PRKAG2: variants seen among roughly 807,000 people sequenced by gnomAD.
PRKAG2 encodes the protein protein kinase AMP-activated non-catalytic subunit gamma 2.
A neutral mutation model predicts 69.6 loss-of-function variants in PRKAG2; 26 were observed. The observed-to-expected ratio is 0.37, with a 90% CI of 0.27 to 0.52. The LOEUF is 0.52. Ranked by LOEUF, PRKAG2 falls within the 20% of genes least tolerant of loss-of-function variation. The probability of loss-of-function intolerance (pLI) is 0.90; values close to 1 mark genes in which losing one functional copy is unlikely to be tolerated. For synonymous variants in PRKAG2, 293 were observed against 285.0 expected, an observed-to-expected ratio of 1.03 and a Z score of -0.28; for missense variants, 557 against 740.0, an observed-to-expected ratio of 0.75 and a Z score of 2.87.
In PRKAG2 at chr7:151,638,535, G is replaced by A. The variant is rs921098810; in HGVS notation, c.685-6397C>T. On this transcript the variant is annotated intron_variant, in intron 4 of 15. Coordinates refer to ENST00000287878, the MANE Select transcript of PRKAG2 (RefSeq NM_016203.4). This position sits in a 1 kb window ranked among gnomAD's most constrained non-coding sequence, Gnocchi z 4.3. ...TGTAGTCCCAGCTACTCGGGAGGCTGAGGCAGGAGAATCGCTTGAACCCAG... is the reference window on the plus strand; with the variant it reads ...TGTAGTCCCAGCTACTCGGGAGGCTAAGGCAGGAGAATCGCTTGAACCCAG... 1.3e-5 allele frequency among the ~76,000 whole-genome samples: 2 copies of A among 152,112 alleles called. No homozygotes were observed. The highest frequency in any genetic ancestry group is 6.5e-5 in the Admixed American group (1 of 15,278).
rs756923555 is a variant in PRKAG2 at position 151,876,533 on chromosome 7, T to G, written c.88A>C (p.Arg30=). ...GGAATGTGCACGCGCAGCGAACGCC[T>G]CTTCTGGCTGGCATTTTTCTTGCCG... ...SGGKKNASQK[R]RSLRVHIPDL... The change falls in exon 1 of 16, where the codon AGG becomes CGG. Residue 30 remains arginine, a synonymous_variant. Transcript: ENST00000287878. 52 of 1,608,230 alleles carry G rather than the reference T, an allele frequency of 3.2e-5. No homozygotes were observed. The highest frequency in any genetic ancestry group is 4.3e-5 in the Non-Finnish European group (51 of 1,179,868).
At chr7:151,581,769 C>A (rs1810530164) in intron 6 of PRKAG2, among the ~76,000 whole-genome samples, 1 of 152,126 alleles carries the variant, frequency 6.6e-6, no homozygotes, top group Admixed American at 6.6e-5. Flanking sequence ...CCAACAAAAG[C>A]AGGGGTTTAA....
intron 1 of PRKAG2, among the ~76,000 whole-genome samples, chr7:151,847,199 G>C (rs2079453031): frequency 6.6e-6 from 1 of 152,182 alleles, no homozygotes; most frequent in South Asian, 2.1e-4. Context: ...TGTTATTCTG[G>C]GTACACAGCA....
chr7:151,641,931 G>A (rs1277518644), intron 4 of PRKAG2, among the ~76,000 whole-genome samples: 2 of 151,094 alleles, frequency 1.3e-5, no homozygotes, highest in Admixed American at 6.6e-5. Flanking sequence ...GCAGTAGCTC[G>A]GTCTGTAATC....
At chr7:151,649,236 C>T (rs1306268760) in intron 4 of PRKAG2, among the ~76,000 whole-genome samples, 4 of 152,114 alleles carry the variant, frequency 2.6e-5, no homozygotes, top group Admixed American at 2.6e-4. Flanking sequence ...AACGATTCTC[C>T]TGCCTCAGCC....
At chr7:151,872,714 A>G (rs2080246552) in intron 1 of PRKAG2, among the ~76,000 whole-genome samples, 2 of 152,204 alleles carry the variant, frequency 1.3e-5, no homozygotes, top group African/African-American at 4.8e-5. Flanking sequence ...CAGCACTTCC[A>G]GGGGTTCCTG....
chr7:151,713,653 C>A (rs1397794121), intron 3 of PRKAG2, among the ~76,000 whole-genome samples: 3 of 150,662 alleles, frequency 2.0e-5, no homozygotes, highest in Non-Finnish European at 4.4e-5. Context: ...GGTGCGAACA[C>A]AGCTCACTAC....
At chr7:151,631,509 A>C (rs1824399790) in intron 5 of PRKAG2, 1 of 273,518 alleles carries the variant, frequency 3.7e-6, no homozygotes, top group Non-Finnish European at 7.7e-6. Context: ...GGGAAAAAAA[A>C]CAACCAAGTG....
chr7:151,701,397 G>A (rs1216736278), intron 3 of PRKAG2, among the ~76,000 whole-genome samples: 1 of 152,160 alleles, frequency 6.6e-6, no homozygotes, highest in African/African-American at 2.4e-5. Context: ...TAGACATAGG[G>A]TCATTGCAGA....
In PRKAG2 at chr7:151,791,284, G is replaced by A. The variant is rs758977480; in HGVS notation, c.115-4743C>T. On this transcript the variant is annotated intron_variant, in intron 1 of 15. Transcript: ENST00000287878. Reference sequence around the variant, plus strand: ...TGCAACTATGGCAACTAGAGTCTTGGCTTGTAGAATACTTAGGACCTGGTG... The same window carrying A: ...TGCAACTATGGCAACTAGAGTCTTGACTTGTAGAATACTTAGGACCTGGTG... Among the ~76,000 whole-genome samples, 5 of 152,328 alleles carry A rather than the reference G, an allele frequency of 3.3e-5. No individual in the cohort carries two copies. The East Asian group carries it at 7.7e-4, about 23-fold the overall frequency.
intron 3 of PRKAG2, among the ~76,000 whole-genome samples, chr7:151,748,444 A>G (rs558750876): frequency 6.6e-6 from 1 of 152,328 alleles, no homozygotes; most frequent in Admixed American, 6.5e-5. Context: ...GGGGTGGGAC[A>G]TTGAATTATC....
intron 3 of PRKAG2, among the ~76,000 whole-genome samples, chr7:151,676,146 T>C (rs1832909956): frequency 6.6e-6 from 1 of 151,494 alleles, no homozygotes; most frequent in South Asian, 2.1e-4. Flanking sequence ...AACGCAGTGG[T>C]GCCTTATTTA....
intron 5 of PRKAG2, among the ~76,000 whole-genome samples, chr7:151,623,986 A>G (rs1329934471): frequency 1.3e-5 from 2 of 152,032 alleles, no homozygotes; most frequent in East Asian, 3.8e-4. Flanking sequence ...TCATAAAATA[A>G]CAACTTATTG....
intron 15 of PRKAG2, chr7:151,558,404 C>T: frequency 1.0e-6 from 1 of 985,416 alleles, no homozygotes; most frequent in Non-Finnish European, 1.2e-6. Context: ...TTGTGCACGG[C>T]TTTCAGCTCT....
intron 3 of PRKAG2, among the ~76,000 whole-genome samples, chr7:151,749,798 A>AG (rs1465668282): frequency 6.6e-6 from 1 of 151,758 alleles, no homozygotes; most frequent in Admixed American, 6.6e-5. Flanking sequence ...AAAAAAAAAA[A>AG]AAAAGGAAAA....
At chr7:151,565,033 C>T (rs148902703) in intron 13 of PRKAG2, among the ~76,000 whole-genome samples, 9 of 151,980 alleles carry the variant, frequency 5.9e-5, no homozygotes, top group African/African-American at 1.2e-4. Flanking sequence ...CGTCTAGAGG[C>T]GAATAAATCA....
At chr7:151,826,386 T>G (rs1281961832) in intron 1 of PRKAG2, among the ~76,000 whole-genome samples, 1 of 152,124 alleles carries the variant, frequency 6.6e-6, no homozygotes, top group East Asian at 1.9e-4. Context: ...TTTCACCTTG[T>G]TGGACAGGCT....
intron 5 of PRKAG2, among the ~76,000 whole-genome samples, chr7:151,609,918 C>A (rs1818375615): frequency 6.6e-6 from 1 of 152,246 alleles, no homozygotes; most frequent in Non-Finnish European, 1.5e-5. Flanking sequence ...GGGTGACTGA[C>A]TGCAGACACA....
chr7:151,594,439 G>T (rs1324035218), intron 6 of PRKAG2, among the ~76,000 whole-genome samples: 1 of 152,092 alleles, frequency 6.6e-6, no homozygotes, highest in Non-Finnish European at 1.5e-5. Flanking sequence ...ATATTATTTA[G>T]GACTTTTTGT....
Sources: gnomAD v4.1 joint callset for allele counts (sites outside exome capture counted in the v4.1 genomes callset) on GRCh38, gnomAD v4.1.1 for gene constraint, Gnocchi (gnomAD v3.1) non-coding constraint, MANE v1.5 for transcripts, NCBI Gene and HGNC (gene_info 2026-07-23, HGNC 2026-07-21) for gene names.